The following TRAF2 variants were observed in gnomAD, a reference collection of about 807,000 sequenced individuals.
TRAF2 encodes the protein TNF receptor-associated factor 2.
Under a neutral mutation model 55.6 loss-of-function variants are expected in TRAF2, and 6 were observed. The ratio of observed to expected loss-of-function variants is 0.11; its 90% CI spans 0.06 to 0.21. TRAF2 has a LOEUF of 0.21. TRAF2 is among the 10% of genes least tolerant of loss of function. The probability of loss-of-function intolerance (pLI) is 1.00; values close to 1 mark genes in which losing one functional copy is unlikely to be tolerated. For synonymous variants in TRAF2, 329 were observed against 276.3 expected (o/e 1.19, Z -1.89); for missense variants, 561 against 684.5 (o/e 0.82, Z 2.01).
upstream of TRAF2, chr9:136,882,738 C>T: frequency 1.0e-6 from 1 of 985,570 alleles, no homozygotes; most frequent in Non-Finnish European, 1.2e-6. Flanking sequence ...AGCCAGCAAA[C>T]AAGGCGAGTC....
At chr9:136,898,273 A>G (rs1849732291) in intron 1 of TRAF2, among the ~76,000 whole-genome samples, 1 of 152,216 alleles carries the variant, frequency 6.6e-6, no homozygotes, top group South Asian at 2.1e-4. Context: ...TTGGTAAGAT[A>G]TATTTCAGAA....
At chr9:136,891,069 C>T (rs1424974658) in intron 1 of TRAF2, among the ~76,000 whole-genome samples, 1 of 152,132 alleles carries the variant, frequency 6.6e-6, no homozygotes, top group Non-Finnish European at 1.5e-5. Flanking sequence ...AGATGCATGC[C>T]ATCACACTTG....
intron 4 of TRAF2, among the ~76,000 whole-genome samples, chr9:136,903,417 C>T (rs1418045379): frequency 2.6e-5 from 4 of 152,052 alleles, no homozygotes; most frequent in Admixed American, 6.6e-5. Context: ...GCACGAGCAG[C>T]GGAAAGGCCA....
intron 7 of TRAF2, among the ~76,000 whole-genome samples, chr9:136,918,271 T>C (rs1369571692): frequency 7.0e-6 from 1 of 142,560 alleles, no homozygotes; most frequent in African/African-American, 2.6e-5. Context: ...ATTTAATTAA[T>C]TAATTTATTT....
At position 136,916,578 on chromosome 9, in the gene TRAF2, T is replaced by A; in HGVS notation, c.641T>A (p.Val214Asp). The A allele has an allele frequency of 1.2e-6, 2 of 1,613,848 alleles. No homozygotes were observed. Among genetic ancestry groups the A allele is most frequent in the African/African-American group, 2.7e-5 (2 of 74,950 alleles). The change falls in exon 7 of 11, where the codon GTC becomes GAC. Residue 214 changes from valine (V) to aspartate (D), a missense_variant. Val to Asp is a radical substitution (Grantham distance 152). Transcript: ENST00000247668. ...GTCAAGACTTGTGGCAAGTGTCGAGTCCCTTGCAGATTCCACGCCATCGGC... is the reference window on the plus strand; with the variant it reads ...GTCAAGACTTGTGGCAAGTGTCGAGACCCTTGCAGATTCCACGCCATCGGC... ...DHVKTCGKCR[V>D]PCRFHAIGCL...
intron 1 of TRAF2, chr9:136,889,876 G>C (rs565666062): frequency 2.3e-4 from 35 of 152,134 alleles, no homozygotes; most frequent in African/African-American, 7.5e-4. Flanking sequence ...ATCCCCGCAT[G>C]CTCATTCAGT....
chr9:136,918,249 A>ATT (rs1365304950), intron 7 of TRAF2, among the ~76,000 whole-genome samples: 669 of 47,708 alleles, frequency 0.014, 11 homozygotes, highest in African/African-American at 0.09. Context: ...ATATATATAT[A>ATT]TATATATATT....
At position 136,926,031 on chromosome 9, in the gene TRAF2, C is replaced by A; in HGVS notation, c.*130C>A. On this transcript the variant is annotated 3_prime_UTR_variant, in exon 11 of 11. Transcript: ENST00000247668. ...CGCGCTTGGGCGCTTGGGAGGGTGT[C>A]GGCCTGCAGCCAAGTTCACTGTCAC... 1 of 1,119,816 alleles carries A rather than the reference C, an allele frequency of 8.9e-7. No individual in the cohort carries two copies. The highest frequency in any genetic ancestry group is 1.3e-6 in the Non-Finnish European group (1 of 749,372). 69.4% of individuals were successfully genotyped at this position (1,119,816 alleles called of 1,614,324 possible). A position where few individuals can be genotyped will look rare whatever the true frequency, so the allele number is the denominator to read the frequency against.
intron 9 of TRAF2, among the ~76,000 whole-genome samples, chr9:136,923,015 C>T (rs1484838949): frequency 3.3e-5 from 5 of 152,122 alleles, no homozygotes; most frequent in African/African-American, 1.2e-4. Context: ...AGTGGGGTCC[C>T]TGCGTGCAGA....
intron 1 of TRAF2, among the ~76,000 whole-genome samples, chr9:136,887,955 C>T (rs997161925): frequency 6.6e-6 from 1 of 151,954 alleles, no homozygotes; most frequent in Non-Finnish European, 1.5e-5. Flanking sequence ...CTGCAGCCTC[C>T]GCCTCCTGGG....
Position 136,925,817 on chromosome 9 carries a change from C to A in TRAF2, c.1422C>A (p.Pro474=). 1 of 1,614,238 alleles carries A rather than the reference C, an allele frequency of 6.2e-7. No individual in the cohort carries two copies. The highest frequency in any genetic ancestry group is 8.5e-7 in the Non-Finnish European group (1 of 1,180,042). The change falls in exon 11 of 11, where the codon CCC becomes CCA. Residue 474 remains proline (P), a synonymous_variant. Coordinates refer to ENST00000247668, the MANE Select transcript of TRAF2 (RefSeq NM_021138.4). ...CAAGCGGCTGCCCCCTCTTCTGCCC[C>A]GTCTCCAAGATGGAGGCAAAGAATT... ...NIASGCPLFC[P]VSKMEAKNSY...
intron 5 of TRAF2, among the ~76,000 whole-genome samples, chr9:136,908,498 G>A (rs1033988576): frequency 5.3e-5 from 8 of 151,460 alleles, no homozygotes; most frequent in Non-Finnish European, 7.4e-5. Context: ...TGAGGCGGGC[G>A]GATCACGAGG....
At chr9:136,923,729 C>T (rs1218936478) in intron 9 of TRAF2, 123 bp from the exon 10 acceptor site, 6 of 1,018,680 alleles carry the variant, frequency 5.9e-6, no homozygotes, top group South Asian at 3.5e-5. Context: ...TTTCTTTGCA[C>T]CCCAGAACCT....
intron 4 of TRAF2, among the ~76,000 whole-genome samples, chr9:136,907,358 T>C (rs1849979261): frequency 6.6e-6 from 1 of 152,272 alleles, no homozygotes; most frequent in South Asian, 2.1e-4. Context: ...GGGCAGGGCC[T>C]CTGCCCAGCT....
intron 1 of TRAF2, among the ~76,000 whole-genome samples, chr9:136,895,547 G>A (rs1235552806): frequency 1.3e-5 from 2 of 152,154 alleles, no homozygotes; most frequent in East Asian, 1.9e-4. Flanking sequence ...AAGGGAAAAT[G>A]CATTTGTCAT....
At chr9:136,889,366 C>T (rs939131024) in intron 1 of TRAF2, among the ~76,000 whole-genome samples, 1 of 151,938 alleles carries the variant, frequency 6.6e-6, no homozygotes, top group Non-Finnish European at 1.5e-5. Flanking sequence ...TCGCTGCAAC[C>T]TCTGCCTCCC....
chr9:136,921,478 C>T (rs1308622991), intron 9 of TRAF2, among the ~76,000 whole-genome samples: 4 of 152,026 alleles, frequency 2.6e-5, no homozygotes, highest in Non-Finnish European at 4.4e-5. Context: ...GTGTGCCCCT[C>T]GTCACCCACA....
chr9:136,884,063 T>A (rs1023262043), upstream of TRAF2, among the ~76,000 whole-genome samples: 1 of 151,944 alleles, frequency 6.6e-6, no homozygotes, highest in African/African-American at 2.4e-5. Context: ...GACCTCATGA[T>A]CTGCCCACCT....
intron 4 of TRAF2, among the ~76,000 whole-genome samples, chr9:136,902,749 A>G (rs1343853915): frequency 1.3e-5 from 2 of 152,132 alleles, no homozygotes; most frequent in South Asian, 2.1e-4. Context: ...CCGTCTATAC[A>G]GTTGGGAGCC....
Sources: gnomAD v4.1 joint callset for allele counts (sites outside exome capture counted in the v4.1 genomes callset) on GRCh38, gnomAD v4.1.1 for gene constraint, MANE v1.5 for transcripts, NCBI Gene and HGNC (gene_info 2026-07-23, HGNC 2026-07-21) for gene names.